ASIC2: variants seen among roughly 807,000 people sequenced by gnomAD.
The protein encoded by ASIC2 is acid-sensing ion channel 2.
ASIC2 carries 25 observed loss-of-function variants against 57.3 expected under a neutral mutation model. The ratio of observed to expected loss-of-function variants is 0.44; its 90% CI spans 0.32 to 0.61. ASIC2 has a LOEUF of 0.61. ASIC2 is among the 20% of genes least tolerant of loss of function. The pLI is 0.06. For synonymous variants in ASIC2, 319 were observed against 307.5 expected (o/e 1.04, Z -0.39); for missense variants, 641 against 738.1 (o/e 0.87, Z 1.52).
At position 33,014,067 on chromosome 17, in the gene ASIC2, C is replaced by T; in HGVS notation, c.1591-1G>A. The T allele has an allele frequency of 6.3e-7, 1 of 1,591,606 alleles. No individual in the cohort carries two copies. The highest frequency in any genetic ancestry group is 2.3e-5 in the East Asian group (1 of 43,944). On this transcript the variant is annotated splice_acceptor_variant, in intron 9 of 9. Coordinates refer to ENST00000225823, the MANE Select transcript of ASIC2 (RefSeq NM_183377.2). LOFTEE classifies it high-confidence loss of function. The stretch of plus-strand genomic sequence containing the variant: ...GGTTTGGCATTGTGTCACAAGTACT[C>T]TGGAAGGGAAGGGTTGGTGGGAGTT...
intron 1 of ASIC2, among the ~76,000 whole-genome samples, chr17:33,399,450 C>T (rs2141957657): frequency 6.6e-6 from 1 of 152,188 alleles, no homozygotes; most frequent in South Asian, 2.1e-4. Flanking sequence ...CCTCTGTCTC[C>T]CTCTTCTACA....
At chr17:34,083,389 A>G (rs940811543) in intron 1 of ASIC2, among the ~76,000 whole-genome samples, 19 of 151,786 alleles carry the variant, frequency 1.3e-4, no homozygotes, top group African/African-American at 4.6e-4. Context: ...TCCATGGTGT[A>G]TATGTGCCAC....
chr17:33,972,466 G>A (rs1043130406), intron 1 of ASIC2, among the ~76,000 whole-genome samples: 1 of 152,114 alleles, frequency 6.6e-6, no homozygotes, highest in East Asian at 1.9e-4. Context: ...TTAGATTAAT[G>A]GTCCGCTAGT....
chr17:34,078,205 T>C (rs1009475623), intron 1 of ASIC2, among the ~76,000 whole-genome samples: 4 of 152,200 alleles, frequency 2.6e-5, no homozygotes, highest in African/African-American at 9.7e-5. Context: ...AACTATTTGC[T>C]GCAAACCTGC....
At chr17:34,095,157 C>G (rs1910471681) in intron 1 of ASIC2, among the ~76,000 whole-genome samples, 1 of 152,092 alleles carries the variant, frequency 6.6e-6, no homozygotes, top group African/African-American at 2.4e-5. Flanking sequence ...CATTTCAGGG[C>G]TTTTATATAT....
chr17:33,973,993 A>T (rs1194006840), intron 1 of ASIC2, among the ~76,000 whole-genome samples: 1 of 152,048 alleles, frequency 6.6e-6, no homozygotes, highest in East Asian at 1.9e-4. Context: ...CTGATTTTCC[A>T]CCTTCTACTC....
intron 1 of ASIC2, among the ~76,000 whole-genome samples, chr17:33,514,906 C>T (rs1914521976): frequency 6.6e-6 from 1 of 152,196 alleles, no homozygotes; most frequent in African/African-American, 2.4e-5. Context: ...CCGTGTTATC[C>T]CCTGGAAGCA....
chr17:33,066,161 A>G (rs534415082), intron 3 of ASIC2, among the ~76,000 whole-genome samples: 20 of 152,226 alleles, frequency 1.3e-4, no homozygotes, highest in African/African-American at 4.3e-4. Context: ...TATTTGGGGG[A>G]AGGCAAGGGC....
At chr17:33,821,317 G>A (rs1434314174) in intron 1 of ASIC2, among the ~76,000 whole-genome samples, 2 of 152,148 alleles carry the variant, frequency 1.3e-5, no homozygotes, top group Non-Finnish European at 2.9e-5. Context: ...CATCTTACTG[G>A]TTCAAAACAT....
At chr17:33,340,536 CATT>C (rs10533855) in intron 1 of ASIC2, among the ~76,000 whole-genome samples, 71,919 of 151,636 alleles carry the variant, frequency 0.47, 17,756 homozygotes, top group South Asian at 0.61. Flanking sequence ...GGTTGGCTAA[CATT>C]AGTTTAGACA....
intron 1 of ASIC2, among the ~76,000 whole-genome samples, chr17:33,799,434 C>CTTTCTTT (rs1567719072): frequency 3.2e-5 from 1 of 31,128 alleles, no homozygotes. Flanking sequence ...TTTCTTCTTT[C>CTTTCTTT]TTTCTTTCTT....
intron 1 of ASIC2, among the ~76,000 whole-genome samples, chr17:33,610,054 G>GCACACACACA (rs57533251): frequency 0.014 from 2,072 of 144,810 alleles, 22 homozygotes; most frequent in South Asian, 0.032. Flanking sequence ...GGACAGAGGC[G>GCACACACACA]CACACACACA....
At chr17:33,338,551 G>A (rs1046869739) in intron 1 of ASIC2, among the ~76,000 whole-genome samples, 4 of 152,308 alleles carry the variant, frequency 2.6e-5, no homozygotes, top group South Asian at 2.1e-4. Flanking sequence ...AGATGTGTGC[G>A]TGCACGAATG....
chr17:33,835,973 T>C (rs571526438), intron 1 of ASIC2, among the ~76,000 whole-genome samples: 1 of 151,116 alleles, frequency 6.6e-6, no homozygotes, highest in East Asian at 1.9e-4. Context: ...ATATATTATA[T>C]AATTATTAAC....
In ASIC2 at chr17:33,426,990, G is replaced by T. The variant is rs763848243; in HGVS notation, c.556-314923C>A. ...ATTCAGAGGAAGAGCTCTTTCAAAGGCCCTGTGGATGGGAAAAGATTTGTA... is the reference window on the plus strand; with the variant it reads ...ATTCAGAGGAAGAGCTCTTTCAAAGTCCCTGTGGATGGGAAAAGATTTGTA... On this transcript the variant is annotated intron_variant, in intron 1 of 9. Coordinates refer to the ASIC2 transcript ENST00000359872. Among the ~76,000 whole-genome samples the T allele has an allele frequency of 1.7e-3, 264 of 152,314 alleles. 2 individuals are homozygous for T. The highest frequency in any genetic ancestry group is 4.4e-4 in the Non-Finnish European group (30 of 68,034).
At chr17:33,737,594 G>C (rs1327793777) in intron 1 of ASIC2, among the ~76,000 whole-genome samples, 1 of 152,188 alleles carries the variant, frequency 6.6e-6, no homozygotes, top group African/African-American at 2.4e-5. Context: ...ATTTAAAATG[G>C]AGACATAAAG....
intron 1 of ASIC2, among the ~76,000 whole-genome samples, chr17:33,129,439 T>C (rs2092336645): frequency 6.6e-6 from 1 of 152,218 alleles, no homozygotes; most frequent in South Asian, 2.1e-4. Flanking sequence ...GAATATCATT[T>C]GGAAAAAAGA....
At chr17:33,562,955 A>G (rs911339481) in intron 1 of ASIC2, among the ~76,000 whole-genome samples, 1 of 152,164 alleles carries the variant, frequency 6.6e-6, no homozygotes, top group African/African-American at 2.4e-5. Context: ...TGCATACCAC[A>G]GCCAGTTGCA....
At chr17:33,870,125 C>T (rs1201432157) in intron 1 of ASIC2, among the ~76,000 whole-genome samples, 1 of 151,210 alleles carries the variant, frequency 6.6e-6, no homozygotes, top group Non-Finnish European at 1.5e-5. Context: ...TAATTGATAC[C>T]ACATTAGAAA....
Sources: gnomAD v4.1 joint callset for allele counts (sites outside exome capture counted in the v4.1 genomes callset) on GRCh38, gnomAD v4.1.1 for gene constraint, MANE v1.5 for transcripts, NCBI Gene and HGNC (gene_info 2026-07-23, HGNC 2026-07-21) for gene names.